The following CYP2C19 variants were observed in gnomAD, a reference collection of about 807,000 sequenced individuals.
CYP2C19 encodes cytochrome P450 2C19.
Under a neutral mutation model 40.9 loss-of-function variants are expected in CYP2C19, and 59 were observed. The ratio of observed to expected loss-of-function variants is 1.44; its 90% CI spans 1.17 to 1.79. The LOEUF (loss-of-function observed/expected upper bound fraction) is 1.79, where lower values mean the gene tolerates loss of function less well. Among genes scored for constraint, CYP2C19 ranks in the 40% most tolerant of loss-of-function variants. The pLI is 0.00. For missense variants in CYP2C19, 754 were observed against 596.9 expected, an observed-to-expected ratio of 1.26 and a Z score of -2.74; for synonymous variants, 253 against 208.7, an observed-to-expected ratio of 1.21 and a Z score of -1.83.
chr10:94,775,315 C>T, intron 2 of CYP2C19, 75 bp from the exon 3 acceptor site: 4 of 1,612,388 alleles, frequency 2.5e-6, no homozygotes, highest in Non-Finnish European at 3.4e-6. Flanking sequence ...TTGGCCCATC[C>T]ACATGGCTGC....
chr10:94,820,624 C>T lies in CYP2C19; in HGVS notation c.948C>T (p.His316=), dbSNP rs1487114756. The T allele has an allele frequency of 1.9e-6, 3 of 1,614,162 alleles. No individual in the cohort carries two copies. Among genetic ancestry groups the T allele is most frequent in the Non-Finnish European group, 2.5e-6 (3 of 1,180,032 alleles). ...LRYALLLLLK[H]PEVTAKVQEE... ...ATGCTCTCCTTCTCCTGCTGAAGCA[C>T]CCAGAGGTCACAGGTATGATCACAG... The change falls in exon 6 of 9, where the codon CAC becomes CAT. Residue 316 remains histidine, a synonymous_variant. Transcript: ENST00000371321.
At chr10:94,790,490 A>C (rs1848592277) in intron 5 of CYP2C19, among the ~76,000 whole-genome samples, 1 of 152,096 alleles carries the variant, frequency 6.6e-6, no homozygotes, top group South Asian at 2.1e-4. Context: ...GTTTGTCATA[A>C]ATAGCTCTTA....
chr10:94,849,110 C>A (rs1037210322), intron 7 of CYP2C19, among the ~76,000 whole-genome samples: 4 of 152,156 alleles, frequency 2.6e-5, no homozygotes, highest in Middle Eastern at 3.2e-3. Flanking sequence ...ACTTCCAACA[C>A]TATGTTGAAT....
At chr10:94,820,459 A>T (rs370424450) in intron 5 of CYP2C19, 37 bp from the exon 6 acceptor site, 11 of 1,611,314 alleles carry the variant, frequency 6.8e-6, no homozygotes, top group Middle Eastern at 3.3e-4. Flanking sequence ...TATGCTGTTA[A>T]ATAATTTGTC....
chr10:94,767,945 C>T (rs1043381933), intron 1 of CYP2C19, among the ~76,000 whole-genome samples: 1 of 152,078 alleles, frequency 6.6e-6, no homozygotes, highest in Non-Finnish European at 1.5e-5. Context: ...CACCTGGCAG[C>T]AATTTTGGCC....
At chr10:94,820,293 G>A (rs1332153588) in intron 5 of CYP2C19, among the ~76,000 whole-genome samples, 2 of 151,912 alleles carry the variant, frequency 1.3e-5, no homozygotes, top group African/African-American at 2.4e-5. Flanking sequence ...CATACTGAAT[G>A]GGCAAAAACT....
At chr10:94,844,775 G>T (rs562300516) in intron 7 of CYP2C19, among the ~76,000 whole-genome samples, 1 of 152,090 alleles carries the variant, frequency 6.6e-6, no homozygotes, top group Non-Finnish European at 1.5e-5. Flanking sequence ...CCAGGAGAAG[G>T]CTTTCGCTTC....
intron 6 of CYP2C19, among the ~76,000 whole-genome samples, chr10:94,830,973 T>A (rs1849325217): frequency 6.6e-6 from 1 of 152,226 alleles, no homozygotes; most frequent in African/African-American, 2.4e-5. Context: ...ATAGTCACAC[T>A]GTTGTGCTAT....
chr10:94,801,514 A>G (rs893617113), intron 5 of CYP2C19, among the ~76,000 whole-genome samples: 1 of 152,168 alleles, frequency 6.6e-6, no homozygotes, highest in Non-Finnish European at 1.5e-5. Flanking sequence ...ACTTCTAGTT[A>G]TGTGATCAAT....
chr10:94,775,354 G>T, intron 2 of CYP2C19, 36 bp from the exon 3 acceptor site: 3 of 1,612,792 alleles, frequency 1.9e-6, no homozygotes, highest in Non-Finnish European at 2.5e-6. Flanking sequence ...TTCTTGCCTG[G>T]GATCTCCCTC....
In CYP2C19 at chr10:94,797,877, C is replaced by T. The variant is rs192528404; in HGVS notation, c.819+15880C>T. Among the ~76,000 whole-genome samples, 4 of 152,086 alleles carry T rather than the reference C, an allele frequency of 2.6e-5. No individual in the cohort carries two copies. The East Asian group carries it at 5.8e-4, about 22-fold the overall frequency. On this transcript the variant is annotated intron_variant, in intron 5 of 8. Transcript: ENST00000371321. ...TTTATTACATCTATTTGATTCTTCT[C>T]TCTTTTCTTCTTTATTAGTCTTCCT...
Position 94,781,815 on chromosome 10 carries a change from T to C in CYP2C19, c.643-6T>C, listed in dbSNP as rs1399729979. 14 of 1,391,058 alleles carry C rather than the reference T, an allele frequency of 1.0e-5. No homozygotes were observed. The highest frequency in any genetic ancestry group is 1.3e-5 in the Non-Finnish European group (14 of 1,053,046). 86.2% of individuals were successfully genotyped at this position (1,391,058 alleles called of 1,614,324 possible). ...TTTAATTTAATAAATTATTGTTTTC[T>C]CTTAGATATGCAATAATTTTCCCAC... On this transcript the variant is annotated splice_region_variant and splice_polypyrimidine_tract_variant and intron_variant, in intron 4 of 8. Coordinates refer to ENST00000371321, the MANE Select transcript of CYP2C19 (RefSeq NM_000769.4).
At chr10:94,852,013 A>C (rs1487904974) in intron 8 of CYP2C19, among the ~76,000 whole-genome samples, 1 of 152,248 alleles carries the variant, frequency 6.6e-6, no homozygotes, top group Non-Finnish European at 1.5e-5. Flanking sequence ...GACTGTGGTA[A>C]TAGAAAAGTT....
In CYP2C19 at chr10:94,853,043, G is replaced by T. The variant is rs1352142098; in HGVS notation, c.*129G>T. On this transcript the variant is annotated 3_prime_UTR_variant, in exon 9 of 9. Transcript: ENST00000371321. The stretch of plus-strand genomic sequence containing the variant: ...ATTTTCCCTTCCCCCAAGATCTAGT[G>T]AACATTCAGCCTCCATTAAAAAAGT... 9.1e-6 allele frequency: 9 copies of T among 986,748 alleles called. No individual in the cohort carries two copies. The highest frequency in any genetic ancestry group is 1.2e-5 in the Non-Finnish European group (8 of 669,088). The allele number at this position is 986,748 out of a possible 1,614,324, so 61.1% of individuals were successfully genotyped here. A position where few individuals can be genotyped will look rare whatever the true frequency, so the allele number is the denominator to read the frequency against.
At chr10:94,816,460 C>T (rs192414224) in intron 5 of CYP2C19, among the ~76,000 whole-genome samples, 3 of 152,062 alleles carry the variant, frequency 2.0e-5, no homozygotes, top group East Asian at 3.9e-4. Flanking sequence ...CAAACTATAC[C>T]AAACAGCAGG....
At chr10:94,803,788 T>C (rs1405390473) in intron 5 of CYP2C19, among the ~76,000 whole-genome samples, 1 of 152,022 alleles carries the variant, frequency 6.6e-6, no homozygotes, top group Non-Finnish European at 1.5e-5. Flanking sequence ...TCTGTCTGAG[T>C]GTGAAGGAGA....
At chr10:94,845,248 C>T (rs1239824545) in intron 7 of CYP2C19, among the ~76,000 whole-genome samples, 1 of 152,164 alleles carries the variant, frequency 6.6e-6, no homozygotes, top group African/African-American at 2.4e-5. Flanking sequence ...GTTTCTGTTG[C>T]AATCCTTGAC....
chr10:94,775,656 C>G, intron 3 of CYP2C19, 117 bp downstream of exon 3: 1 of 1,562,458 alleles, frequency 6.4e-7, no homozygotes, highest in Non-Finnish European at 8.8e-7. Flanking sequence ...GTTGTTAGCT[C>G]ATGTGAAGCA....
At chr10:94,797,337 G>A (rs1055805391) in intron 5 of CYP2C19, among the ~76,000 whole-genome samples, 2 of 152,098 alleles carry the variant, frequency 1.3e-5, no homozygotes, top group Admixed American at 6.5e-5. Context: ...TCCCAGGGAT[G>A]AAGCCAACTT....
Sources: gnomAD v4.1 joint callset for allele counts (sites outside exome capture counted in the v4.1 genomes callset) on GRCh38, gnomAD v4.1.1 for gene constraint, MANE v1.5 for transcripts, NCBI Gene and HGNC (gene_info 2026-07-23, HGNC 2026-07-21) for gene names.